MMRN1: variants seen among roughly 807,000 people sequenced by gnomAD.
MMRN1 encodes multimerin-1.
Under a neutral mutation model 100.7 loss-of-function variants are expected in MMRN1, and 94 were observed. The ratio of observed to expected loss-of-function variants is 0.93; its 90% confidence interval spans 0.79 to 1.11. MMRN1 has a LOEUF of 1.11. MMRN1 is among the 50% of genes least tolerant of loss of function. The pLI is 0.00. For missense variants in MMRN1, 1,606 were observed against 1,439.1 expected, an observed-to-expected ratio of 1.12 and a Z score of -1.88; for synonymous variants, 575 against 505.0, an observed-to-expected ratio of 1.14 and a Z score of -1.86.
At chr4:89,898,769 T>A (rs1247163920) in intron 1 of MMRN1, among the ~76,000 whole-genome samples, 1 of 152,022 alleles carries the variant, frequency 6.6e-6, no homozygotes, top group Admixed American at 6.6e-5. Flanking sequence ...TAATAATAAC[T>A]CCAGGAAGCC....
chr4:89,928,388 C>T (rs1299138870), intron 5 of MMRN1, among the ~76,000 whole-genome samples: 1 of 151,956 alleles, frequency 6.6e-6, no homozygotes, highest in Non-Finnish European at 1.5e-5. Flanking sequence ...ATTATTATCC[C>T]CCAAATTTTC....
chr4:89,912,068 T>G lies in MMRN1; in HGVS notation c.850+18T>G. 6.8e-7 allele frequency: 1 copy of G among 1,476,382 alleles called. No homozygotes were observed. The highest frequency in any genetic ancestry group is 9.3e-7 in the Non-Finnish European group (1 of 1,075,974). 91.5% of individuals were successfully genotyped at this position (1,476,382 alleles called of 1,614,324 possible). Reference sequence around the variant, plus strand: ...ACTAAGAGGTACACTCTAATATTAATAATCACAATTCTGAACAATAAGAAA... The same window carrying G: ...ACTAAGAGGTACACTCTAATATTAAGAATCACAATTCTGAACAATAAGAAA... On this transcript the variant is annotated intron_variant, in intron 3 of 7. Transcript: ENST00000264790.
chr4:89,889,916 G>A (rs1479487175), upstream of MMRN1, among the ~76,000 whole-genome samples: 1 of 152,086 alleles, frequency 6.6e-6, no homozygotes, highest in Non-Finnish European at 1.5e-5. Context: ...TACCTTGGAA[G>A]ACATCTTTCC....
At chr4:89,943,965 GA>G (rs1470730802) in intron 6 of MMRN1, among the ~76,000 whole-genome samples, 1 of 150,478 alleles carries the variant, frequency 6.6e-6, no homozygotes, top group Non-Finnish European at 1.5e-5. Context: ...TTGGGCAGCA[GA>G]GCGAGACTCT....
At chr4:89,886,485 G>C (rs1720939262) in intron 1 of MMRN1, among the ~76,000 whole-genome samples, 1 of 152,028 alleles carries the variant, frequency 6.6e-6, no homozygotes, top group Non-Finnish European at 1.5e-5. Context: ...ATCAATGAGG[G>C]TTCCATGTAC....
rs1181910669 is a variant in MMRN1, at chr4:89,905,592, G to A, written c.624-3684G>A. Among the ~76,000 whole-genome samples, 5 of 151,578 alleles carry A rather than the reference G, an allele frequency of 3.3e-5. 1 individual carries two copies. The Admixed American group carries it at 3.3e-4, about 10-fold the overall frequency. On this transcript the variant is annotated intron_variant, in intron 1 of 7. Transcript: ENST00000264790. ...TGAGGGGTTATTACTAGAGTCACCT[G>A]ATAATCTTATTTCTTCAAGAGAATG...
chr4:89,908,492 G>A (rs1414201934), intron 1 of MMRN1, among the ~76,000 whole-genome samples: 1 of 151,234 alleles, frequency 6.6e-6, no homozygotes, highest in African/African-American at 2.4e-5. Flanking sequence ...TTTGCATTGG[G>A]TTTCCCATTA....
At chr4:89,905,750 A>G (rs1215411719) in intron 1 of MMRN1, among the ~76,000 whole-genome samples, 1 of 151,544 alleles carries the variant, frequency 6.6e-6, no homozygotes, top group Non-Finnish European at 1.5e-5. Flanking sequence ...CAGAAACAAA[A>G]TCTTCTCCCA....
intron 1 of MMRN1, among the ~76,000 whole-genome samples, chr4:89,899,621 T>C (rs1450802695): frequency 6.6e-6 from 1 of 152,120 alleles, no homozygotes; most frequent in Non-Finnish European, 1.5e-5. Flanking sequence ...GAGGTAATGA[T>C]ACAATCTAAC....
chr4:89,934,846 A>G lies in MMRN1; in HGVS notation c.1166A>G (p.Asp389Gly). ...AAAAGCATTAATGTACTGATAAGAGACATAGTAAGAGAACAATTTAAAATT... is the reference window on the plus strand; with the variant it reads ...AAAAGCATTAATGTACTGATAAGAGGCATAGTAAGAGAACAATTTAAAATT... ...KSKSINVLIR[D>G]IVREQFKIFQ... The change falls in exon 6 of 8, where the codon GAC becomes GGC. Residue 389 changes from aspartate to glycine, a missense_variant. By Grantham distance (94) the Asp-to-Gly change is moderately conservative. Transcript: ENST00000264790. The G allele has an allele frequency of 6.4e-7, 1 of 1,563,678 alleles. No homozygotes were observed. The highest frequency in any genetic ancestry group is 8.6e-7 in the Non-Finnish European group (1 of 1,156,900).
chr4:89,915,197 T>A (rs1000825711), intron 3 of MMRN1, among the ~76,000 whole-genome samples: 1 of 151,660 alleles, frequency 6.6e-6, no homozygotes, highest in African/African-American at 2.4e-5. Context: ...ATGCATTCCC[T>A]GTAGTTTTGC....
intron 1 of MMRN1, among the ~76,000 whole-genome samples, chr4:89,898,708 C>G (rs547338869): frequency 6.6e-6 from 1 of 151,970 alleles, no homozygotes; most frequent in Non-Finnish European, 1.5e-5. Context: ...CCTGTCTGCC[C>G]CTGTGACTAA....
rs542513003 is a variant in MMRN1, at chr4:89,948,013, C to T, written c.3119-3592C>T. Among the ~76,000 whole-genome samples the T allele has an allele frequency of 2.6e-5, 4 of 152,144 alleles. No individual in the cohort carries two copies. The South Asian group carries it at 8.3e-4, about 32-fold the overall frequency. On this transcript the variant is annotated intron_variant, in intron 6 of 7. Coordinates refer to ENST00000264790, the MANE Select transcript of MMRN1 (RefSeq NM_007351.3). ...GATTACAGGCACACACCACCACACC[C>T]AGCTAATTTTGTATTTTTAGTAGAG...
intron 5 of MMRN1, among the ~76,000 whole-genome samples, chr4:89,930,721 C>A (rs752862575): frequency 5.9e-5 from 9 of 151,840 alleles, no homozygotes; most frequent in Non-Finnish European, 1.3e-4. Flanking sequence ...TTGAATAGTA[C>A]CTTACACTCA....
At position 89,894,877 on chromosome 4, in the gene MMRN1, G is replaced by A; in HGVS notation, c.-95G>A. ...ACACATCTCAAACTGGCAAAACTCA[G>A]TCTTAGCAGATTCAGTGTGGAAGCA... On this transcript the variant is annotated 5_prime_UTR_variant, in exon 1 of 8. Coordinates refer to ENST00000264790, the MANE Select transcript of MMRN1 (RefSeq NM_007351.3). The A allele has an allele frequency of 6.6e-7, 1 of 1,510,740 alleles. No individual in the cohort carries two copies. The highest frequency in any genetic ancestry group is 8.8e-7 in the Non-Finnish European group (1 of 1,132,962). The allele number at this position is 1,510,740 out of a possible 1,614,324, so 93.6% of individuals were successfully genotyped here. A position where few individuals can be genotyped will look rare whatever the true frequency, so the allele number is the denominator to read the frequency against.
intron 4 of MMRN1, among the ~76,000 whole-genome samples, chr4:89,926,710 A>G (rs2110620499): frequency 6.6e-6 from 1 of 152,218 alleles, no homozygotes; most frequent in South Asian, 2.1e-4. Flanking sequence ...TGCCTAGACC[A>G]AATGTCCTAG....
At chr4:89,892,065 A>G (rs750178617), upstream of MMRN1, among the ~76,000 whole-genome samples, 14 of 151,708 alleles carry the variant, frequency 9.2e-5, no homozygotes, top group Non-Finnish European at 1.8e-4. Flanking sequence ...AAATTAATTC[A>G]TATGCATTAT....
chr4:89,947,938 C>T (rs991572684), intron 6 of MMRN1, among the ~76,000 whole-genome samples: 1 of 152,056 alleles, frequency 6.6e-6, no homozygotes, highest in Non-Finnish European at 1.5e-5. Flanking sequence ...CTGCAACCTC[C>T]GCCTCCTGGG....
At position 89,953,596 on chromosome 4, in the gene MMRN1, T is replaced by C. The variant is rs1354657115; in HGVS notation, c.*178T>C. 4.0e-6 allele frequency: 2 copies of C among 497,404 alleles called. No homozygotes were observed. The highest frequency in any genetic ancestry group is 6.7e-6 in the Non-Finnish European group (2 of 297,542). 30.8% of individuals were successfully genotyped at this position (497,404 alleles called of 1,614,324 possible). On this transcript the variant is annotated 3_prime_UTR_variant, in exon 8 of 8. Transcript: ENST00000264790. The stretch of plus-strand genomic sequence containing the variant: ...AAAATTATTTGAATATTGTTTAATG[T>C]CTGAATATGAAAGAGTTCTTGATCC...
Sources: gnomAD v4.1 joint callset for allele counts (sites outside exome capture counted in the v4.1 genomes callset) on GRCh38, gnomAD v4.1.1 for gene constraint, MANE v1.5 for transcripts, NCBI Gene and HGNC (gene_info 2026-07-23, HGNC 2026-07-21) for gene names.